GALK2: variants seen among roughly 807,000 people sequenced by gnomAD.
The protein encoded by GALK2 is N-acetylgalactosamine kinase.
GALK2 carries 36 observed loss-of-function variants against 52.4 expected under a neutral mutation model. The observed-to-expected ratio is 0.69, with a 90% CI of 0.53 to 0.91. The LOEUF (loss-of-function observed/expected upper bound fraction) is 0.91. Among genes scored for constraint, GALK2 ranks in the 40% least tolerant of loss-of-function variants. The pLI is 0.00. For synonymous variants in GALK2, 176 were observed against 199.1 expected, an observed-to-expected ratio of 0.88 and a Z score of 0.98; for missense variants, 579 against 559.1, an observed-to-expected ratio of 1.04 and a Z score of -0.36.
intron 3 of GALK2, among the ~76,000 whole-genome samples, chr15:49,230,027 T>C (rs190621416): frequency 7.2e-5 from 11 of 152,194 alleles, no homozygotes; most frequent in African/African-American, 2.6e-4. Flanking sequence ...GTATTGTAGT[T>C]ATTGCCAGTG....
At chr15:49,276,283 G>C (rs2031643435) in intron 5 of GALK2, among the ~76,000 whole-genome samples, 1 of 149,576 alleles carries the variant, frequency 6.7e-6, no homozygotes, top group Non-Finnish European at 1.5e-5. Flanking sequence ...GAGCTTTGCT[G>C]ATCTAGCTTG....
chr15:49,319,411 A>G (rs1180920804), intron 8 of GALK2, among the ~76,000 whole-genome samples, 193 bp from the exon 9 acceptor site: 1 of 152,234 alleles, frequency 6.6e-6, no homozygotes, highest in African/African-American at 2.4e-5. Context: ...ATTCAGTATC[A>G]AGAAAAAAGT....
chr15:49,331,217 A>G lies in GALK2; in HGVS notation c.*3058A>G, dbSNP rs2038671419. ...TGTCCAGCATTCAGACATATTGTAC[A>G]CTAGTCTCTACATGTTCTTGTCTGT... is the stretch of plus-strand genomic sequence containing the variant. On this transcript the variant is annotated 3_prime_UTR_variant, in exon 10 of 10. Coordinates refer to ENST00000560031, the MANE Select transcript of GALK2 (RefSeq NM_002044.4). 1 of 152,628 alleles carries G rather than the reference A, an allele frequency of 6.6e-6. No homozygotes were observed. Among genetic ancestry groups the G allele is most frequent in the Admixed American group, 6.5e-5 (1 of 15,308 alleles). The allele number at this position is 152,628 out of a possible 1,614,324, so 9.5% of individuals were successfully genotyped here.
At chr15:49,299,239 C>T (rs1232541740) in intron 8 of GALK2, among the ~76,000 whole-genome samples, 1 of 151,998 alleles carries the variant, frequency 6.6e-6, no homozygotes. Flanking sequence ...GTGATATCAC[C>T]TTTGTCATTT....
intron 9 of GALK2, among the ~76,000 whole-genome samples, chr15:49,321,481 G>C (rs1291635431): frequency 6.6e-6 from 1 of 152,246 alleles, no homozygotes; most frequent in African/African-American, 2.4e-5. Context: ...GATAATTGCT[G>C]TGTGGGTATA....
intron 5 of GALK2, among the ~76,000 whole-genome samples, chr15:49,266,470 C>T (rs2141665565): frequency 6.6e-6 from 1 of 152,314 alleles, no homozygotes; most frequent in East Asian, 1.9e-4. Context: ...GTCGTTAAGA[C>T]TGCCTCTCTC....
At chr15:49,366,459 A>G (rs1241998518) in intron 3 of GALK2, 3 of 995,878 alleles carry the variant, frequency 3.0e-6, no homozygotes, top group Non-Finnish European at 4.9e-6. Context: ...GGAACATCAG[A>G]AAGGTTGCAT....
intron 2 of GALK2, among the ~76,000 whole-genome samples, chr15:49,206,124 G>T (rs937131717): frequency 6.6e-6 from 1 of 152,082 alleles, no homozygotes; most frequent in Admixed American, 6.5e-5. Flanking sequence ...ACGCTGTTTT[G>T]GTTGACTATG....
At chr15:49,198,369 C>A (rs2087426708) in intron 1 of GALK2, among the ~76,000 whole-genome samples, 1 of 152,196 alleles carries the variant, frequency 6.6e-6, no homozygotes, top group Non-Finnish European at 1.5e-5. Flanking sequence ...ATTTATTAAA[C>A]ACATACTTCA....
upstream of GALK2, among the ~76,000 whole-genome samples, chr15:49,166,015 G>A (rs1269039781): frequency 5.3e-5 from 8 of 151,894 alleles, no homozygotes; most frequent in Non-Finnish European, 8.8e-5. Context: ...TGTTAGCCAG[G>A]ATGGTCTCGA....
intron 3 of GALK2, among the ~76,000 whole-genome samples, chr15:49,232,513 C>G (rs1446716248): frequency 6.6e-6 from 1 of 152,258 alleles, no homozygotes; most frequent in Admixed American, 6.5e-5. Flanking sequence ...ATTTCTGTAG[C>G]TGGCTTGAAC....
intron 8 of GALK2, among the ~76,000 whole-genome samples, chr15:49,317,533 A>G (rs2036519384): frequency 6.6e-6 from 1 of 152,130 alleles, no homozygotes; most frequent in African/African-American, 2.4e-5. Flanking sequence ...TAGAAAGACC[A>G]TTTGACCCAG....
intron 5 of GALK2, among the ~76,000 whole-genome samples, chr15:49,270,199 G>T (rs918895299): frequency 5.3e-5 from 8 of 152,164 alleles, no homozygotes; most frequent in Non-Finnish European, 1.5e-5. Flanking sequence ...TAAATTAGAA[G>T]TAGAAAACTA....
chr15:49,335,737 A>C (rs1167361790), downstream of GALK2, among the ~76,000 whole-genome samples: 1 of 152,232 alleles, frequency 6.6e-6, no homozygotes, highest in Non-Finnish European at 1.5e-5. Flanking sequence ...ATGATTTAAT[A>C]GTTTCATAAA....
intron 8 of GALK2, among the ~76,000 whole-genome samples, chr15:49,294,256 A>G (rs1423458367): frequency 6.6e-6 from 1 of 152,172 alleles, no homozygotes; most frequent in Admixed American, 6.6e-5. Flanking sequence ...ATAAATAGGT[A>G]TTTCCTAGGT....
At position 49,364,419 on chromosome 15, in the gene GALK2, T is replaced by C. The variant is rs78532880; in HGVS notation, c.427-3072T>C. ...GTGCATAGAGATGTTCATAGTAGTCTTGGAGGTTGTTTTGTATTTCTGTGG... is the reference window on the plus strand; with the variant it reads ...GTGCATAGAGATGTTCATAGTAGTCCTGGAGGTTGTTTTGTATTTCTGTGG... On this transcript the variant is annotated intron_variant, in intron 3 of 3. Coordinates refer to the GALK2 transcript ENST00000558399. Among the ~76,000 whole-genome samples, 980 of 152,272 alleles carry C rather than the reference T, an allele frequency of 6.4e-3. 17 individuals are homozygous for C. Among genetic ancestry groups the C allele is most frequent in the African/African-American group, 0.023 (943 of 41,554 alleles).
At chr15:49,333,389 GC>G (rs2039156234), downstream of GALK2, among the ~76,000 whole-genome samples, 1 of 152,234 alleles carries the variant, frequency 6.6e-6, no homozygotes, top group South Asian at 2.1e-4. Context: ...TCAACAATGT[GC>G]CATTGCATTA....
chr15:49,243,172 C>T (rs2091181562), intron 5 of GALK2, among the ~76,000 whole-genome samples: 1 of 151,938 alleles, frequency 6.6e-6, no homozygotes, highest in Admixed American at 6.6e-5. Context: ...CTATTTAGAC[C>T]CTAAAAGGCC....
intron 1 of GALK2, chr15:49,156,957 T>C: frequency 3.0e-6 from 1 of 338,544 alleles, no homozygotes; most frequent in Non-Finnish European, 5.6e-6. Context: ...AATGCTCTCA[T>C]TGTGAGAGCA....
Sources: gnomAD v4.1 joint callset for allele counts (sites outside exome capture counted in the v4.1 genomes callset) on GRCh38, gnomAD v4.1.1 for gene constraint, MANE v1.5 for transcripts, NCBI Gene and HGNC (gene_info 2026-07-23, HGNC 2026-07-21) for gene names.